IL1RAPL2: variants seen among roughly 807,000 people sequenced by gnomAD.
IL1RAPL2 encodes the protein interleukin 1 receptor accessory protein like 2, also known as X-linked interleukin-1 receptor accessory protein-like 2.
IL1RAPL2 carries 3 observed loss-of-function variants against 44.1 expected under a neutral mutation model. The observed-to-expected ratio is 0.07, with a 90% CI of 0.03 to 0.18. The LOEUF (loss-of-function observed/expected upper bound fraction) is 0.18. Among genes scored for constraint, IL1RAPL2 ranks in the 10% least tolerant of loss-of-function variants. IL1RAPL2 has a pLI of 1.00. For synonymous variants in IL1RAPL2, 181 were observed against 178.8 expected (o/e 1.01, Z -0.10); for missense variants, 391 against 496.4 (o/e 0.79, Z 2.02).
At chrX:105,388,649 A>G (rs2035498690) in intron 5 of IL1RAPL2, among the ~76,000 whole-genome samples, 1 of 110,814 alleles carries the variant, frequency 9.0e-6, no homozygotes, top group South Asian at 3.8e-4. Flanking sequence ...AAAATACTGG[A>G]AGGCTTGCAT....
At chrX:104,863,579 C>CGGTG (rs1165749935) in intron 2 of IL1RAPL2, among the ~76,000 whole-genome samples, 1 of 111,956 alleles carries the variant, frequency 8.9e-6, no homozygotes, top group African/African-American at 3.2e-5. Flanking sequence ...TTGCAGACAA[C>CGGTG]GGTGGCCAAG....
chrX:105,022,959 T>C (rs2031307104), intron 2 of IL1RAPL2, among the ~76,000 whole-genome samples: 1 of 110,808 alleles, frequency 9.0e-6, no homozygotes, highest in African/African-American at 3.3e-5. Context: ...GAAGCAGAGA[T>C]GTATATACAT....
intron 6 of IL1RAPL2, among the ~76,000 whole-genome samples, chrX:105,666,060 C>T (rs1223814279): frequency 1.0e-4 from 10 of 100,014 alleles, no homozygotes; most frequent in African/African-American, 3.1e-4. Context: ...CCGCGCCCGG[C>T]CGTAATAGTT....
At chrX:104,940,997 A>G (rs1459085656) in intron 2 of IL1RAPL2, among the ~76,000 whole-genome samples, 4 of 106,073 alleles carry the variant, frequency 3.8e-5, no homozygotes, top group African/African-American at 1.4e-4. Flanking sequence ...TGTCCTTGCA[A>G]TAGTTTGCTC....
In IL1RAPL2 at chrX:105,178,400, A is replaced by G. The variant is rs142806398; in HGVS notation, c.83-17075A>G. Reference sequence around the variant, plus strand: ...TGATGAATACTTAGGTTGATTCCATATATTTACTATTGTGAATAGTGCTGC... The same window carrying G: ...TGATGAATACTTAGGTTGATTCCATGTATTTACTATTGTGAATAGTGCTGC... On this transcript the variant is annotated intron_variant, in intron 2 of 10. Transcript: ENST00000372582. Among the ~76,000 whole-genome samples the G allele has an allele frequency of 4.8e-3, 538 of 112,284 alleles. 6 individuals are homozygous for G. Among genetic ancestry groups the G allele is most frequent in the African/African-American group, 0.016 (492 of 30,919 alleles).
chrX:105,002,165 A>G (rs1365888215), intron 2 of IL1RAPL2, among the ~76,000 whole-genome samples: 1 of 111,154 alleles, frequency 9.0e-6, no homozygotes, highest in Non-Finnish European at 1.9e-5. Context: ...ACCAATAAAA[A>G]TAATAGGAGA....
intron 2 of IL1RAPL2, among the ~76,000 whole-genome samples, chrX:105,133,600 T>C (rs2147579071): frequency 8.9e-6 from 1 of 111,838 alleles, no homozygotes; most frequent in East Asian, 2.8e-4. Flanking sequence ...TAGTTCAGGC[T>C]GCTATAACAA....
chrX:104,972,871 A>T (rs2030262587), intron 2 of IL1RAPL2, among the ~76,000 whole-genome samples: 1 of 112,007 alleles, frequency 8.9e-6, no homozygotes, highest in Non-Finnish European at 1.9e-5. Flanking sequence ...CTGAGTGTTG[A>T]TTCTTTTAAA....
intron 2 of IL1RAPL2, among the ~76,000 whole-genome samples, chrX:104,726,377 C>T (rs1032951147): frequency 5.4e-5 from 6 of 111,132 alleles, no homozygotes; most frequent in African/African-American, 2.0e-4. Flanking sequence ...TTTTTAGTTC[C>T]ATGTGAAATT....
chrX:105,131,863 C>G (rs116332636), intron 2 of IL1RAPL2, among the ~76,000 whole-genome samples: 9,650 of 110,926 alleles, frequency 0.087, 1,026 homozygotes, highest in African/African-American at 0.3. Flanking sequence ...AAGCCCAAGG[C>G]GTAGGCATAC....
chrX:105,252,210 T>C (rs373518234), intron 4 of IL1RAPL2, among the ~76,000 whole-genome samples: 1 of 111,683 alleles, frequency 9.0e-6, no homozygotes, highest in East Asian at 2.8e-4. Flanking sequence ...TCTGTCTTCC[T>C]TTACTTAGTA....
chrX:105,598,715 G>A (rs1004448343), intron 6 of IL1RAPL2, among the ~76,000 whole-genome samples: 3 of 111,529 alleles, frequency 2.7e-5, no homozygotes, highest in Non-Finnish European at 5.7e-5. Flanking sequence ...ACCCAAACAT[G>A]CAAAAGACCT....
chrX:105,256,498 TTTTG>T (rs1415083545), intron 4 of IL1RAPL2, among the ~76,000 whole-genome samples: 2 of 109,704 alleles, frequency 1.8e-5, no homozygotes, highest in African/African-American at 6.7e-5. Context: ...CCAGCTAATT[TTTTG>T]TATTTTAGTA....
chrX:104,798,507 A>T (rs1255007978), intron 2 of IL1RAPL2, among the ~76,000 whole-genome samples: 20 of 109,505 alleles, frequency 1.8e-4, no homozygotes, highest in African/African-American at 5.0e-4. Flanking sequence ...AAATAAAAAA[A>T]AAAAAAAAAT....
intron 2 of IL1RAPL2, among the ~76,000 whole-genome samples, chrX:104,950,414 C>A (rs1390855102): frequency 1.8e-5 from 2 of 112,524 alleles, no homozygotes. Context: ...TTACTGCTGT[C>A]TTTTTGTTTG....
chrX:104,765,681 T>C (rs1870033426), intron 2 of IL1RAPL2, among the ~76,000 whole-genome samples: 1 of 112,031 alleles, frequency 8.9e-6, no homozygotes, highest in Non-Finnish European at 1.9e-5. Flanking sequence ...ATTTTGGGAG[T>C]GACCATTTAC....
chrX:104,888,074 A>T (rs1181918582), intron 2 of IL1RAPL2, among the ~76,000 whole-genome samples: 1 of 111,720 alleles, frequency 9.0e-6, no homozygotes, highest in Non-Finnish European at 1.9e-5. Context: ...ACCACAAGGA[A>T]ATTATGGAGT....
chrX:105,698,282 G>A (rs189282156), intron 6 of IL1RAPL2, among the ~76,000 whole-genome samples: 43 of 111,508 alleles, frequency 3.9e-4, no homozygotes, highest in African/African-American at 1.3e-3. Flanking sequence ...TGAGGCATAA[G>A]CCTTACAAAC....
At position 105,219,970 on chromosome X, in the gene IL1RAPL2, C is replaced by T. The variant is rs782792744; in HGVS notation, c.357-13848C>T. The stretch of plus-strand genomic sequence containing the variant: ...GAGCGGCTTCCAACTCACCTTGTCT[C>T]TCTCTTTCTGCACCTCCACGAGGCT... On this transcript the variant is annotated intron_variant, in intron 3 of 10. Transcript: ENST00000372582. 4 of 1,199,816 alleles carry T rather than the reference C, an allele frequency of 3.3e-6. No homozygotes were observed. The highest frequency in any genetic ancestry group is 4.5e-6 in the Non-Finnish European group (4 of 889,099).
Sources: allele counts gnomAD v4.1 joint callset (sites outside exome capture counted in the v4.1 genomes callset), GRCh38; gene constraint gnomAD v4.1.1; transcripts MANE v1.5; gene names NCBI Gene and HGNC (gene_info 2026-07-23, HGNC 2026-07-21).